TDRD9: variants seen among roughly 807,000 people sequenced by gnomAD.
TDRD9 encodes the protein ATP-dependent RNA helicase TDRD9.
TDRD9 carries 124 observed loss-of-function variants against 172.6 expected under a neutral mutation model. The observed-to-expected ratio is 0.72, with a 90% CI of 0.62 to 0.83. The LOEUF is 0.83. Ranked by LOEUF, TDRD9 falls within the 40% of genes least tolerant of loss-of-function variation. TDRD9 has a pLI of 0.00. For missense variants in TDRD9, 1,479 were observed against 1,714.1 expected (o/e 0.86, Z 2.42); for synonymous variants, 619 against 617.1 (o/e 1.00, Z -0.05).
chr14:104,044,202 C>T (rs1026358369), intron 34 of TDRD9, among the ~76,000 whole-genome samples: 1 of 152,168 alleles, frequency 6.6e-6, no homozygotes, highest in Admixed American at 6.5e-5. Flanking sequence ...AGTAAAGGTT[C>T]GTTCCAGCCA....
intron 1 of TDRD9, among the ~76,000 whole-genome samples, chr14:103,938,547 T>C (rs1313585656): frequency 1.3e-5 from 2 of 149,972 alleles, no homozygotes; most frequent in Non-Finnish European, 3.0e-5. Flanking sequence ...CATGCCATTC[T>C]CCTGCCTCAG....
chr14:103,987,683 T>C (rs1338430173), intron 8 of TDRD9, among the ~76,000 whole-genome samples: 2 of 152,220 alleles, frequency 1.3e-5, no homozygotes, highest in African/African-American at 4.8e-5. Context: ...TAGACTGTTC[T>C]GGAGAATATT....
intron 14 of TDRD9, 153 bp from the exon 15 acceptor site, chr14:104,005,121 C>G (rs2034393321): frequency 3.3e-6 from 2 of 611,416 alleles, no homozygotes; most frequent in Non-Finnish European, 5.5e-6. Flanking sequence ...TTCTCTCTCC[C>G]TTCTCTTCTC....
chr14:103,964,302 A>G (rs2032639402), intron 3 of TDRD9, among the ~76,000 whole-genome samples: 1 of 152,218 alleles, frequency 6.6e-6, no homozygotes, highest in Non-Finnish European at 1.5e-5. Flanking sequence ...TTAAGATGAC[A>G]TTTTAAAACC....
At chr14:103,976,524 G>A (rs1161777521) in intron 7 of TDRD9, among the ~76,000 whole-genome samples, 1 of 152,120 alleles carries the variant, frequency 6.6e-6, no homozygotes, top group Non-Finnish European at 1.5e-5. Context: ...GCCTCCCAAA[G>A]TGCTGGGATT....
At chr14:104,048,950 G>T (rs1199448595) in intron 34 of TDRD9, among the ~76,000 whole-genome samples, 1 of 152,162 alleles carries the variant, frequency 6.6e-6, no homozygotes, top group East Asian at 1.9e-4. Flanking sequence ...GGTGTATGGG[G>T]TGGGAGCGGC....
At chr14:104,026,562 G>T in intron 27 of TDRD9, 117 bp from the exon 28 acceptor site, 9 of 1,242,628 alleles carry the variant, frequency 7.2e-6, no homozygotes, top group Non-Finnish European at 1.0e-5. Flanking sequence ...GTTTTATTGG[G>T]ACTTTTATGA....
intron 35 of TDRD9, among the ~76,000 whole-genome samples, chr14:104,051,583 A>G (rs1282013770): frequency 6.6e-6 from 1 of 152,198 alleles, no homozygotes. Flanking sequence ...GTGTATAAGC[A>G]TTCTCTTTTC....
At chr14:104,023,553 G>A (rs1057398469) in intron 24 of TDRD9, among the ~76,000 whole-genome samples, 3 of 152,244 alleles carry the variant, frequency 2.0e-5, no homozygotes, top group Admixed American at 6.5e-5. Context: ...AGCACTTGCT[G>A]CATGCAGCTG....
At chr14:103,996,450 CAG>C (rs2034062922) in intron 12 of TDRD9, among the ~76,000 whole-genome samples, 1 of 152,008 alleles carries the variant, frequency 6.6e-6, no homozygotes, top group Non-Finnish European at 1.5e-5. Context: ...GAAAATAAAT[CAG>C]GGGAAGGGGT....
intron 7 of TDRD9, among the ~76,000 whole-genome samples, chr14:103,983,541 A>G (rs375610028): frequency 6.6e-6 from 1 of 152,190 alleles, no homozygotes; most frequent in East Asian, 1.9e-4. Context: ...AAGTAAAATT[A>G]TTAATTAAAA....
In TDRD9 at chr14:103,970,611, G is replaced by A. The variant is rs1043899460; in HGVS notation, c.836G>A (p.Arg279His). The A allele has an allele frequency of 7.7e-6, 12 of 1,548,972 alleles. No homozygotes were observed. Among genetic ancestry groups the A allele is most frequent in the African/African-American group, 2.7e-5 (2 of 72,958 alleles). ...CGCAAACTCTTAAGAACAAATTCAC[G>A]TTTTGTGAAGGTAAATTTGATTTCA... is the stretch of plus-strand genomic sequence containing the variant. ...VVRKLLRTNS[R>H]FVKVVLMSAT... Residue 279 changes from arginine (R) to histidine (H), a missense_variant, in exon 6 of 36, where the codon CGT (arginine) becomes CAT (histidine). Arg to His is a conservative substitution (Grantham distance 29, BLOSUM62 0). Transcript: ENST00000409874.
chr14:104,047,607 T>G (rs1346196441), intron 34 of TDRD9, among the ~76,000 whole-genome samples: 1 of 152,236 alleles, frequency 6.6e-6, no homozygotes, highest in Admixed American at 6.5e-5. Context: ...TAGGGAGACA[T>G]TGCTTTGCAC....
chr14:104,033,023 G>A (rs2152253811), intron 30 of TDRD9, among the ~76,000 whole-genome samples: 1 of 150,820 alleles, frequency 6.6e-6, no homozygotes, highest in African/African-American at 2.4e-5. Flanking sequence ...GAGTTTGCAC[G>A]TGTAACTCGA....
At position 104,026,170 on chromosome 14, in the gene TDRD9, G is replaced by T. The variant is rs1248878336; in HGVS notation, c.3021+34G>T. ...GAGAAGACTCTAGGGAATGAATGCT[G>T]CATGCTGGACAGGATTCCTGGGTGG... On this transcript the variant is annotated intron_variant, in intron 27 of 35. Transcript: ENST00000409874. The T allele has an allele frequency of 3.6e-6, 5 of 1,395,118 alleles. No individual in the cohort carries two copies. In the African/African-American group the frequency reaches 7.1e-5, roughly 20 times the overall value. 86.4% of individuals were successfully genotyped at this position (1,395,118 alleles called of 1,614,324 possible).
chr14:103,953,768 A>G (rs1347283649), intron 1 of TDRD9, among the ~76,000 whole-genome samples: 2 of 152,160 alleles, frequency 1.3e-5, no homozygotes. Flanking sequence ...CCAGGGCAGG[A>G]GAGACTGGAT....
chr14:104,014,702 A>G (rs1200298772), intron 20 of TDRD9, 23 bp from the exon 21 acceptor site: 5 of 1,356,346 alleles, frequency 3.7e-6, no homozygotes, highest in Non-Finnish European at 4.2e-6. Flanking sequence ...TTGAGACATC[A>G]GATTTCAATG....
In TDRD9 at chr14:104,042,129, T is replaced by C; in HGVS notation, c.3916T>C (p.Cys1306Arg). The part of the protein sequence containing the change: ...LVCDGPNGCK[C>R]LGPERVAQLQ... ...CTGTGATGGACCAAATGGATGCAAGTGTCTTGGGCCAGAGAGAGTTGCGCA... is the reference window on the plus strand; with the variant it reads ...CTGTGATGGACCAAATGGATGCAAGCGTCTTGGGCCAGAGAGAGTTGCGCA... The change falls in exon 34 of 36, where the codon TGT becomes CGT. Residue 1306 changes from cysteine to arginine, a missense_variant. Cys to Arg is a radical substitution (Grantham distance 180). Coordinates refer to ENST00000409874, the MANE Select transcript of TDRD9 (RefSeq NM_153046.3). 1.2e-6 allele frequency: 2 copies of C among 1,613,824 alleles called. No homozygotes were observed. Among genetic ancestry groups the C allele is most frequent in the South Asian group, 1.1e-5 (1 of 91,062 alleles).
In TDRD9 at chr14:103,928,723, A is replaced by T; in HGVS notation, c.214A>T (p.Arg72Trp). ...APARPAAAFE[R>W]SLSQRSSEVE... is the part of the protein sequence containing the mutation. ...GGCCCGGCCGGCCGCTGCGTTCGAA[A>T]GGTAGGACGCGGGCGGGGCGGAGGC... The change falls in exon 1 of 36, where the codon AGG (arginine) becomes TGG (tryptophan). Residue 72 changes from arginine to tryptophan, a missense_variant and splice_region_variant. Physicochemically the swap from Arg to Trp is moderately radical, Grantham distance 101 (BLOSUM62 -3). Coordinates refer to ENST00000409874, the MANE Select transcript of TDRD9 (RefSeq NM_153046.3). 1 of 1,132,522 alleles carries T rather than the reference A, an allele frequency of 8.8e-7. No individual in the cohort carries two copies. The highest frequency in any genetic ancestry group is 1.1e-6 in the Non-Finnish European group (1 of 908,178). 70.2% of individuals were successfully genotyped at this position (1,132,522 alleles called of 1,614,324 possible).
Sources: gnomAD v4.1 joint callset for allele counts (sites outside exome capture counted in the v4.1 genomes callset) on GRCh38, gnomAD v4.1.1 for gene constraint, MANE v1.5 for transcripts, NCBI Gene and HGNC (gene_info 2026-07-23, HGNC 2026-07-21) for gene names.